CPM: variants seen among roughly 807,000 people sequenced by gnomAD.
CPM encodes the protein renal carboxypeptidase.
In CPM, 35 loss-of-function variants were observed where a neutral mutation model predicts 46.4. The observed-to-expected ratio is 0.75, with a 90% CI of 0.58 to 1.00. CPM has a LOEUF of 1.00. Among genes scored for constraint, CPM ranks in the 50% least tolerant of loss-of-function variants. The probability of loss-of-function intolerance (pLI) is 0.00; values close to 1 mark genes in which losing one functional copy is unlikely to be tolerated. For synonymous variants in CPM, 195 were observed against 195.3 expected, an observed-to-expected ratio of 1.00 and a Z score of 0.01; for missense variants, 422 against 530.4, an observed-to-expected ratio of 0.80 and a Z score of 2.01.
chr12:68,864,286 A>T (rs192689744), intron 7 of CPM, among the ~76,000 whole-genome samples: 3,008 of 152,272 alleles, frequency 0.02, 43 homozygotes, highest in Non-Finnish European at 0.029. Context: ...CTCTACAAAA[A>T]TACAAAATTA....
chr12:68,909,825 G>A (rs1171661161), intron 2 of CPM, among the ~76,000 whole-genome samples: 1 of 146,814 alleles, frequency 6.8e-6, no homozygotes. Flanking sequence ...TCACACACTG[G>A]GGCCTGTTGG....
At chr12:68,844,278 T>C in intron 5 of CPM, 2 of 219,226 alleles carry the variant, frequency 9.1e-6, no homozygotes, top group South Asian at 1.8e-4. Context: ...GGCACAAGTC[T>C]GAATGTGTTT....
intron 2 of CPM, among the ~76,000 whole-genome samples, chr12:68,910,059 G>C (rs939971133): frequency 1.6e-4 from 24 of 152,202 alleles, no homozygotes; most frequent in Admixed American, 1.2e-3. Flanking sequence ...ATGAAAGAAA[G>C]AAACTTGAGG....
At chr12:68,868,194 A>C (rs1005459500) in intron 6 of CPM, among the ~76,000 whole-genome samples, 5 of 152,184 alleles carry the variant, frequency 3.3e-5, no homozygotes, top group African/African-American at 1.2e-4. Context: ...CAAATTGTGG[A>C]GAGCAGGGAC....
intron 4 of CPM, among the ~76,000 whole-genome samples, chr12:68,870,998 T>C (rs1387890831): frequency 2.6e-5 from 4 of 152,178 alleles, no homozygotes; most frequent in African/African-American, 9.7e-5. Context: ...AAACTTAAAA[T>C]TGGAGGGAAT....
At chr12:68,931,557 A>T (rs1023392028) in intron 2 of CPM, among the ~76,000 whole-genome samples, 3 of 151,960 alleles carry the variant, frequency 2.0e-5, no homozygotes, top group African/African-American at 7.3e-5. Context: ...AGCCTGGCCA[A>T]TATGGTGAAA....
intron 1 of CPM, among the ~76,000 whole-genome samples, chr12:68,946,129 G>T (rs1369907822): frequency 1.3e-5 from 2 of 151,902 alleles, no homozygotes; most frequent in African/African-American, 4.8e-5. Flanking sequence ...CAAAATGTTG[G>T]GATTACAGGT....
upstream of CPM, among the ~76,000 whole-genome samples, chr12:68,937,736 A>G (rs918288640): frequency 1.3e-5 from 2 of 152,176 alleles, no homozygotes; most frequent in Non-Finnish European, 2.9e-5. Flanking sequence ...CTGAGTGCAA[A>G]TCCACGAGTT....
At chr12:68,858,001 A>G (rs1885048756) in intron 8 of CPM, among the ~76,000 whole-genome samples, 1 of 152,240 alleles carries the variant, frequency 6.6e-6, no homozygotes, top group Non-Finnish European at 1.5e-5. Context: ...AGGATTAGCA[A>G]TTGATAAGCC....
intron 5 of CPM, chr12:68,842,778 A>G: frequency 5.2e-6 from 1 of 192,664 alleles, no homozygotes. Context: ...TTGTATGAAA[A>G]TAGCTCAAAT....
rs77493929 is a variant in CPM, at chr12:68,893,285, G to C, written c.161-7396C>G. ...TGGCAAACCACCTGGCATGCACTGC[G>C]ATTTCTGTAGAGTTTCAGGTTTGGG... On this transcript the variant is annotated intron_variant, in intron 2 of 8. Coordinates refer to ENST00000551568, the MANE Select transcript of CPM (RefSeq NM_198320.5). Among the ~76,000 whole-genome samples, 589 of 152,170 alleles carry C rather than the reference G, an allele frequency of 3.9e-3. 3 individuals are homozygous for C. Among genetic ancestry groups the C allele is most frequent in the African/African-American group, 0.013 (544 of 41,492 alleles).
downstream of CPM, among the ~76,000 whole-genome samples, chr12:68,850,988 A>G (rs934534992): frequency 6.6e-6 from 1 of 152,168 alleles, no homozygotes; most frequent in East Asian, 1.9e-4. Context: ...AACATATAGC[A>G]TATGTAACTT....
chr12:68,938,939 ATG>A (rs1388673888), intron 1 of CPM, among the ~76,000 whole-genome samples: 1 of 148,226 alleles, frequency 6.7e-6, no homozygotes, highest in Non-Finnish European at 1.5e-5. Context: ...ATGTATAAAT[ATG>A]TGTATATATC....
intron 1 of CPM, among the ~76,000 whole-genome samples, chr12:68,950,286 G>A (rs545833230): frequency 2.4e-4 from 36 of 152,228 alleles, no homozygotes; most frequent in South Asian, 4.2e-4. Flanking sequence ...CCCAATGCGC[G>A]CCAACAGGGT....
intron 1 of CPM, among the ~76,000 whole-genome samples, chr12:68,954,383 G>A (rs534540398): frequency 1.5e-4 from 23 of 152,202 alleles, no homozygotes; most frequent in Non-Finnish European, 7.4e-5. Context: ...CTGCCTCTGC[G>A]GCAGCCTCTC....
intron 2 of CPM, among the ~76,000 whole-genome samples, chr12:68,927,136 C>T (rs1166324874): frequency 1.3e-5 from 2 of 151,634 alleles, no homozygotes; most frequent in Admixed American, 1.3e-4. Flanking sequence ...GAGGAATCGC[C>T]ACACTGACTT....
Position 68,842,336 on chromosome 12 carries a change from G to A in CPM, c.534-7C>T, listed in dbSNP as rs1482389121. On this transcript the variant is annotated splice_region_variant and splice_polypyrimidine_tract_variant and intron_variant, in intron 5 of 5. Coordinates refer to the CPM transcript ENST00000551897. ...TGCAGGCAAAGGAACGCAGCTGGAA[G>A]AAAAGATGATATAACAGTTAACAGG... 2.2e-5 allele frequency: 11 copies of A among 495,690 alleles called. No individual in the cohort carries two copies. The East Asian group carries it at 5.2e-4, about 23-fold the overall frequency. 30.7% of individuals were successfully genotyped at this position (495,690 alleles called of 1,614,324 possible). A position where few individuals can be genotyped will look rare whatever the true frequency, so the allele number is the denominator to read the frequency against.
downstream of CPM, chr12:68,849,092 C>CT: frequency 7.1e-6 from 1 of 140,904 alleles, no homozygotes; most frequent in Non-Finnish European, 1.5e-5. Context: ...AACGGTAGAC[C>CT]CTTTTTTTTT....
At chr12:68,910,812 T>C (rs1887565125) in intron 2 of CPM, among the ~76,000 whole-genome samples, 1 of 152,138 alleles carries the variant, frequency 6.6e-6, no homozygotes. Context: ...TTTGTGCAAA[T>C]GATTCTATAA....
Sources: allele counts gnomAD v4.1 joint callset (sites outside exome capture counted in the v4.1 genomes callset), GRCh38; gene constraint gnomAD v4.1.1; transcripts MANE v1.5; gene names NCBI Gene and HGNC (gene_info 2026-07-23, HGNC 2026-07-21).